MAP4: variants seen among roughly 807,000 people sequenced by gnomAD.
MAP4 encodes microtubule-associated protein 4.
MAP4 carries 76 observed loss-of-function variants against 170.2 expected under a neutral mutation model. The observed-to-expected ratio is 0.45, with a 90% CI of 0.37 to 0.54. MAP4 has a LOEUF of 0.54. Among genes scored for constraint, MAP4 ranks in the 20% least tolerant of loss-of-function variants. The pLI, the probability that MAP4 is intolerant of heterozygous loss-of-function variation, is 0.00. For missense variants in MAP4, 2,506 were observed against 2,748.0 expected (o/e 0.91, Z 1.97); for synonymous variants, 909 against 994.5 (o/e 0.91, Z 1.62).
chr3:47,964,194 ATC>A (rs2154186377), intron 3 of MAP4, among the ~76,000 whole-genome samples: 1 of 152,344 alleles, frequency 6.6e-6, no homozygotes, highest in Non-Finnish European at 1.5e-5. Context: ...GAACAGCATG[ATC>A]AATGTACAGG....
chr3:47,877,370 G>T, intron 11 of MAP4, 47 bp downstream of exon 11: 1 of 1,406,444 alleles, frequency 7.1e-7, no homozygotes, highest in Non-Finnish European at 1.0e-6. Context: ...AAGATACTCC[G>T]TTTAAAAATT....
chr3:48,055,440 G>C (rs1241490702), intron 1 of MAP4, among the ~76,000 whole-genome samples: 13 of 151,456 alleles, frequency 8.6e-5, no homozygotes, highest in Admixed American at 5.3e-4. Context: ...CCCTAACCGC[G>C]AGTGATCCGC....
chr3:48,071,420 C>T (rs113728996), intron 1 of MAP4, among the ~76,000 whole-genome samples: 1,877 of 151,910 alleles, frequency 0.012, 45 homozygotes, highest in African/African-American at 0.043. Context: ...TGGTGGCACA[C>T]GCCTGCAGTC....
At chr3:47,966,731 A>G (rs1559631632) in intron 3 of MAP4, among the ~76,000 whole-genome samples, 1 of 152,130 alleles carries the variant, frequency 6.6e-6, no homozygotes. Context: ...CATTTATTGA[A>G]AACACCATCC....
intron 3 of MAP4, among the ~76,000 whole-genome samples, chr3:47,937,105 TA>T (rs997265317): frequency 1.8e-4 from 27 of 148,658 alleles, no homozygotes; most frequent in East Asian, 1.4e-3. Context: ...CATCCAGAAT[TA>T]AAAAAAAAAA....
chr3:47,912,529 A>AT (rs1289602911), intron 8 of MAP4, 108 bp from the exon 9 acceptor site: 2 of 891,662 alleles, frequency 2.2e-6, no homozygotes, highest in Non-Finnish European at 3.3e-6. Flanking sequence ...TAAGGAGGCT[A>AT]TTTTCACTAA....
rs538067969 is a variant in MAP4 at position 48,080,273 on chromosome 3, T to C, written c.-20+8500A>G. On this transcript the variant is annotated intron_variant, in intron 1 of 18. Transcript: ENST00000360240. ...GCAACCAGCTGTGAAGTACTTATCT[T>C]GGGAAATACCTGCATAGAGAACTGG... 1.0e-3 allele frequency among the ~76,000 whole-genome samples: 152 copies of C among 152,350 alleles called. 1 individual carries two copies. Among genetic ancestry groups the C allele is most frequent in the South Asian group, 3.1e-3 (15 of 4,832 alleles).
At chr3:47,868,246 A>G (rs1442191214) in intron 16 of MAP4, among the ~76,000 whole-genome samples, 1 of 152,198 alleles carries the variant, frequency 6.6e-6, no homozygotes, top group African/African-American at 2.4e-5. Context: ...ATAGTTGCCA[A>G]CTTCCTTTCT....
chr3:47,957,626 T>A (rs2100068614), intron 3 of MAP4, among the ~76,000 whole-genome samples: 1 of 152,180 alleles, frequency 6.6e-6, no homozygotes, highest in South Asian at 2.1e-4. Context: ...ACAGCATTGC[T>A]CCTGACCAAG....
At chr3:48,021,420 T>C (rs986397883) in intron 1 of MAP4, among the ~76,000 whole-genome samples, 4 of 152,124 alleles carry the variant, frequency 2.6e-5, no homozygotes, top group Admixed American at 2.6e-4. Context: ...TGATCTTGGC[T>C]CACTGCAACC....
At chr3:47,906,409 C>T (rs1426354995) in intron 9 of MAP4, among the ~76,000 whole-genome samples, 1 of 152,080 alleles carries the variant, frequency 6.6e-6, no homozygotes, top group Non-Finnish European at 1.5e-5. Context: ...TGGCCAGGCA[C>T]GGTGGCTCAA....
Position 47,851,365 on chromosome 3 carries a change from C to T in MAP4, c.*1569G>A, listed in dbSNP as rs150505333. 2,168 of 152,358 alleles carry T rather than the reference C, an allele frequency of 0.014. 25 individuals are homozygous for T. Among genetic ancestry groups the T allele is most frequent in the Middle Eastern group, 0.051 (15 of 294 alleles). 9.4% of individuals were successfully genotyped at this position (152,358 alleles called of 1,614,324 possible). ...TCAGGCCCAGGACAGCCTCCCTGCA[C>T]ATGGAGATCAAATCTAAACTTAGGT... On this transcript the variant is annotated 3_prime_UTR_variant, in exon 21 of 21. Coordinates refer to ENST00000683076, the MANE Select transcript of MAP4 (RefSeq NM_001385682.1).
At position 48,030,774 on chromosome 3, in the gene MAP4, G is replaced by C. The variant is rs903797334; in HGVS notation, c.-19-31895C>G. Among the ~76,000 whole-genome samples the C allele has an allele frequency of 2.9e-5, 4 of 139,880 alleles. No homozygotes were observed. In the Admixed American group the frequency reaches 2.9e-4, roughly 10 times the overall value. 91.8% of individuals were successfully genotyped at this position (139,880 alleles called of 152,430 possible). On this transcript the variant is annotated intron_variant, in intron 1 of 18. Coordinates refer to the MAP4 transcript ENST00000360240. ...AGATTGTACCACTGCACTCCAGCCT[G>C]GGCGACAGAGTAAGACTCCATCTCA...
chr3:47,894,975 G>A (rs1417356575), intron 10 of MAP4, among the ~76,000 whole-genome samples: 8 of 150,530 alleles, frequency 5.3e-5, no homozygotes, highest in African/African-American at 7.4e-5. Flanking sequence ...GCAGTGGGCC[G>A]TGATCACATC....
chr3:47,866,504 C>G (rs1237915369), intron 17 of MAP4, among the ~76,000 whole-genome samples: 1 of 151,692 alleles, frequency 6.6e-6, no homozygotes. Context: ...GCCTGTAATC[C>G]CAGCACTTTG....
intron 1 of MAP4, among the ~76,000 whole-genome samples, chr3:48,082,828 G>T (rs1431269977): frequency 4.7e-5 from 7 of 149,688 alleles, no homozygotes; most frequent in Non-Finnish European, 1.0e-4. Context: ...AAGTTAATCA[G>T]TAACGAGTCA....
rs67709674 is a variant in MAP4, at chr3:48,048,506, C to CTT, written c.-20+40265_-20+40266dup. Among the ~76,000 whole-genome samples, 98 of 66,992 alleles carry CTT rather than the reference C, an allele frequency of 1.5e-3. 4 individuals carry two copies. Among genetic ancestry groups the CTT allele is most frequent in the African/African-American group, 5.4e-3 (79 of 14,510 alleles). 43.9% of individuals were successfully genotyped at this position (66,992 alleles called of 152,430 possible). ...TCAGGTAGATCCAGATCTCAATTAT[C>CTT]TTTTTTTTTTTTTTTTTTTTTTTTT... On this transcript the variant is annotated intron_variant, in intron 1 of 18. Coordinates refer to the MAP4 transcript ENST00000360240.
At chr3:47,853,057 A>G in intron 20 of MAP4, 106 bp downstream of exon 20, 1 of 1,614,180 alleles carries the variant, frequency 6.2e-7, no homozygotes, top group Non-Finnish European at 8.5e-7. Context: ...ATAAAAGGTT[A>G]CTTCATTAAA....
rs114173428 is a variant in MAP4 at position 48,016,113 on chromosome 3, G to A, written c.-20+221C>T. Among the ~76,000 whole-genome samples, 960 of 152,258 alleles carry A rather than the reference G, an allele frequency of 6.3e-3. 6 individuals are homozygous for A. The highest frequency in any genetic ancestry group is 0.01 in the Non-Finnish European group (707 of 68,010). On this transcript the variant is annotated intron_variant, in intron 1 of 20. Coordinates refer to ENST00000683076, the MANE Select transcript of MAP4 (RefSeq NM_001385682.1). ...CAGAGAGCCCTTGATTACTAGAATA[G>A]CTGAGGCCATCACACAGCTACATTC...
Sources: gnomAD v4.1 joint callset for allele counts (sites outside exome capture counted in the v4.1 genomes callset) on GRCh38, gnomAD v4.1.1 for gene constraint, MANE v1.5 for transcripts, NCBI Gene and HGNC (gene_info 2026-07-23, HGNC 2026-07-21) for gene names.